Variants in LAMA5 observed in about 807,000 individuals in gnomAD.
LAMA5 encodes laminin subunit alpha 5, also known as laminin subunit alpha-5.
LAMA5 carries 260 observed loss-of-function variants against 433.4 expected under a neutral mutation model. The ratio of observed to expected loss-of-function variants is 0.60; its 90% CI spans 0.54 to 0.66. The LOEUF is 0.66. LAMA5 is among the 30% of genes least tolerant of loss of function. LAMA5 has a pLI of 0.00. For missense variants in LAMA5, 5,378 were observed against 5,258.5 expected (o/e 1.02, Z -0.70); for synonymous variants, 2,620 against 2,226.6 (o/e 1.18, Z -4.97).
chr20:62,315,224 G>T lies in LAMA5; in HGVS notation c.7868-17C>A, dbSNP rs370999151. The T allele has an allele frequency of 6.3e-7, 1 of 1,586,358 alleles. No individual in the cohort carries two copies. The highest frequency in any genetic ancestry group is 8.6e-7 in the Non-Finnish European group (1 of 1,165,380). ...TTGTCTCGTCTGTGGTGGGCAGAGG[G>T]CAGGCTCAGCAGGGGCCAGCGGGGA... On this transcript the variant is annotated splice_polypyrimidine_tract_variant and intron_variant, in intron 58 of 79. Transcript: ENST00000252999.
At chr20:62,326,432 G>C in intron 40 of LAMA5, 2 of 480,434 alleles carry the variant, frequency 4.2e-6, no homozygotes, top group Non-Finnish European at 7.5e-6. Context: ...CTGAGCAGCT[G>C]CTCACCCCTC....
At position 62,346,734 on chromosome 20, in the gene LAMA5, C is replaced by A; in HGVS notation, c.1139G>T (p.Ser380Ile). 1 of 1,613,216 alleles carries A rather than the reference C, an allele frequency of 6.2e-7. No homozygotes were observed. The highest frequency in any genetic ancestry group is 8.5e-7 in the Non-Finnish European group (1 of 1,179,910). Residue 380 changes from serine (S) to isoleucine (I), a missense_variant, in exon 8 of 80, where the codon AGC (serine) becomes ATC (isoleucine). By Grantham distance (142) the Ser-to-Ile change is moderately radical. Coordinates refer to ENST00000252999, the MANE Select transcript of LAMA5 (RefSeq NM_005560.6). ...YDPEVDRRRA[S>I]QSLDGTYQGG... Reference sequence around the variant, plus strand: ...CTGATAGGTGCCATCCAGGCTCTGGCTGGCGCGGCGCCGGTCCACCTCAGG... The same window carrying A: ...CTGATAGGTGCCATCCAGGCTCTGGATGGCGCGGCGCCGGTCCACCTCAGG...
intron 69 of LAMA5, 29 bp downstream of exon 69, chr20:62,312,144 G>A (rs1362116655): frequency 1.9e-6 from 3 of 1,609,976 alleles, no homozygotes; most frequent in South Asian, 2.2e-5. Flanking sequence ...ACCGCGGGGT[G>A]GGGAATGGGC....
rs1465106540 is a variant in LAMA5, at chr20:62,313,181, G to A, written c.8862C>T (p.Ile2954=). 5 of 1,581,844 alleles carry A rather than the reference G, an allele frequency of 3.2e-6. No homozygotes were observed. Among genetic ancestry groups the A allele is most frequent in the Non-Finnish European group, 4.3e-6 (5 of 1,168,304 alleles). ...TGGTGCTGATCTGACTGTCGAAGCT[G>A]ATGCGGGCGAAGCCGGTGCCGTCCA... ...SYLDGTGFAR[I]SFDSQISTTK... is the part of the protein sequence containing the mutation. Residue 2954 remains isoleucine (I), a synonymous_variant, in exon 65 of 80, where the codon ATC becomes ATT. Coordinates refer to ENST00000252999, the MANE Select transcript of LAMA5 (RefSeq NM_005560.6).
intron 28 of LAMA5, among the ~76,000 whole-genome samples, chr20:62,331,516 C>A (rs879280623): frequency 6.6e-6 from 1 of 152,130 alleles, no homozygotes; most frequent in Non-Finnish European, 1.5e-5. Context: ...CTTCCTCCCC[C>A]TCGCCCTCCC....
At chr20:62,317,577 C>T (rs1987091193) in intron 54 of LAMA5, 78 bp from the exon 55 acceptor site, 1 of 1,523,288 alleles carries the variant, frequency 6.6e-7, no homozygotes, top group Non-Finnish European at 8.8e-7. Context: ...GCTCTGCACG[C>T]AAGTGTGCAC....
Position 62,313,734 on chromosome 20 carries a change from G to A in LAMA5, c.8573C>T (p.Thr2858Met), listed in dbSNP as rs749517983. ...CAGCCCCTCTGCCCCAGGGGCCACC[G>A]TGTCACCCTTGGTTTCCTGGATCAT... Reference protein sequence around the residue: ...RQMIQETKGDTVAPGAEGLLN... With the variant: ...RQMIQETKGDMVAPGAEGLLN... The change falls in exon 63 of 80, where the codon ACG (threonine) becomes ATG (methionine). Residue 2858 changes from threonine (T) to methionine (M), a missense_variant. By Grantham distance (81) the Thr-to-Met change is moderately conservative. Coordinates refer to ENST00000252999, the MANE Select transcript of LAMA5 (RefSeq NM_005560.6). 13 of 1,612,818 alleles carry A rather than the reference G, an allele frequency of 8.1e-6. No homozygotes were observed. In the African/African-American group the frequency reaches 9.3e-5, roughly 12 times the overall value.
Position 62,318,648 on chromosome 20 carries a change from GC to G in LAMA5, c.7044del (p.Leu2348PhefsTer9), listed in dbSNP as rs1987318029. Reference sequence around the variant, plus strand: ...CTCAGCTGCTCCTGCACCCGGGCCAGCACTAGCCGAGACCAGGGTGAGGGTG... The same window carrying G: ...CTCAGCTGCTCCTGCACCCGGGCCAGACTAGCCGAGACCAGGGTGAGGGTG... ...AEAELAAAQR[L>X]LARVQEQLSS... On this transcript the variant is annotated frameshift_variant and splice_region_variant, in exon 53 of 80. Coordinates refer to ENST00000252999, the MANE Select transcript of LAMA5 (RefSeq NM_005560.6). LOFTEE classifies it high-confidence loss of function. The G allele has an allele frequency of 6.2e-7, 1 of 1,609,226 alleles. No individual in the cohort carries two copies. Among genetic ancestry groups the G allele is most frequent in the Non-Finnish European group, 8.5e-7 (1 of 1,178,672 alleles).
chr20:62,310,342 G>C (rs768753176), intron 76 of LAMA5, 31 bp from the exon 77 acceptor site: 9 of 1,574,786 alleles, frequency 5.7e-6, no homozygotes, highest in African/African-American at 5.4e-5. Flanking sequence ...GGAGAAGAAA[G>C]GGGGGGCCCC....
At position 62,328,369 on chromosome 20, in the gene LAMA5, G is replaced by A. The variant is rs1451700933; in HGVS notation, c.4524C>T (p.Asp1508=). The A allele has an allele frequency of 1.3e-6, 2 of 1,582,120 alleles. No homozygotes were observed. Among genetic ancestry groups the A allele is most frequent in the Non-Finnish European group, 1.7e-6 (2 of 1,164,008 alleles). Residue 1508 remains aspartate (D), a synonymous_variant, in exon 35 of 80, where the codon GAC becomes GAT. Transcript: ENST00000252999. ...AGGTCTGGGGCTGGCACAGCAGGCA[G>A]TCGGGCGGGATGGTGCGTGGCGGGC... ...CICPPRTIPP[D]CLLCQPQTFG...
At chr20:62,320,708 G>T (rs555778098) in intron 49 of LAMA5, 31 bp downstream of exon 49, 1 of 1,612,340 alleles carries the variant, frequency 6.2e-7, no homozygotes, top group Admixed American at 1.7e-5. Context: ...ACTGGCCCGG[G>T]TTGGGGAGGG....
In LAMA5 at chr20:62,367,084, C is replaced by T. The variant is rs1568997880; in HGVS notation, c.162G>A (p.Glu54=). The T allele has an allele frequency of 7.9e-7, 1 of 1,266,944 alleles. No homozygotes were observed. The highest frequency in any genetic ancestry group is 3.1e-5 in the East Asian group (1 of 31,982). 78.5% of individuals were successfully genotyped at this position (1,266,944 alleles called of 1,614,324 possible). ...SLHPPYFNLA[E]GARIAASATC... Reference sequence around the variant, plus strand: ...TCGCGGAGGCGGCGATGCGGGCGCCCTCGGCCAGGTTGAAGTAGGGCGGGT... The same window carrying T: ...TCGCGGAGGCGGCGATGCGGGCGCCTTCGGCCAGGTTGAAGTAGGGCGGGT... The change falls in exon 1 of 80, where the codon GAG becomes GAA. Residue 54 remains glutamate (E), a synonymous_variant. Transcript: ENST00000252999.
rs201927368 is a variant in LAMA5, at chr20:62,312,618, C to T, written c.9227+14G>A. 1.6e-3 allele frequency: 2,617 copies of T among 1,603,178 alleles called. 1 individual carries two copies. The highest frequency in any genetic ancestry group is 1.6e-3 in the Non-Finnish European group (1,918 of 1,176,638). ...CAGCCTGGCCTCGGAGCCCCAGCTG[C>T]GCACAGTGCTTACCTCGGGGGCAGC... On this transcript the variant is annotated intron_variant, in intron 67 of 79. Transcript: ENST00000252999.
chr20:62,359,456 C>T lies in LAMA5; in HGVS notation c.450+2944G>A, dbSNP rs992071073. On this transcript the variant is annotated intron_variant, in intron 2 of 79. Transcript: ENST00000252999. This position sits in a 1 kb window ranked among gnomAD's most constrained non-coding sequence, Gnocchi z 4.3. ...GGCCATGTGCCTGGGCAGTCATGAA[C>T]GCGCTCACCCTTCCCTGGGCCTGGG... 9.2e-5 allele frequency among the ~76,000 whole-genome samples: 13 copies of T among 141,658 alleles called. No individual in the cohort carries two copies. The South Asian group carries it at 2.1e-3, about 23-fold the overall frequency. The allele number at this position is 141,658 out of a possible 152,430, so 92.9% of individuals were successfully genotyped here. A position where few individuals can be genotyped will look rare whatever the true frequency, so the allele number is the denominator to read the frequency against.
chr20:62,365,267 C>T (rs1042215414), intron 1 of LAMA5, among the ~76,000 whole-genome samples: 1 of 152,200 alleles, frequency 6.6e-6, no homozygotes, highest in Non-Finnish European at 1.5e-5. Flanking sequence ...AAACTGTGGC[C>T]ACTTCCCAGG....
chr20:62,333,245 TG>T lies in LAMA5; in HGVS notation c.3129-3del. The stretch of plus-strand genomic sequence containing the variant: ...GGGAGGTGTGTGTAGAGGAGGCAGC[TG>T]GGGGGACACAGGCCGTGGTCAGCCC... On this transcript the variant is annotated splice_region_variant and splice_polypyrimidine_tract_variant and intron_variant, in intron 25 of 79. Coordinates refer to ENST00000252999, the MANE Select transcript of LAMA5 (RefSeq NM_005560.6). The T allele has an allele frequency of 3.2e-6, 5 of 1,550,292 alleles. No individual in the cohort carries two copies. The highest frequency in any genetic ancestry group is 1.2e-5 in the South Asian group (1 of 81,384).
In LAMA5 at chr20:62,338,477, C is replaced by T. The variant is rs780981307; in HGVS notation, c.1609G>A (p.Gly537Ser). ...GGGAGAGGGGACTCACGCTGGCAGC[C>T]GGGGCCGTAGAACCCTGGCGCGCAG... is the stretch of plus-strand genomic sequence containing the variant. ...ELCAPGFYGPGCQPCQCSSPG... is the reference protein window; with the variant it reads ...ELCAPGFYGPSCQPCQCSSPG... The change falls in exon 12 of 80, where the codon GGC (glycine) becomes AGC (serine). Residue 537 changes from glycine to serine, a missense_variant. By Grantham distance (56) the Gly-to-Ser change is moderately conservative. Coordinates refer to ENST00000252999, the MANE Select transcript of LAMA5 (RefSeq NM_005560.6). 1.6e-5 allele frequency: 26 copies of T among 1,608,404 alleles called. No homozygotes were observed. The highest frequency in any genetic ancestry group is 8.9e-5 in the East Asian group (4 of 44,696).
Position 62,331,967 on chromosome 20 carries a change from G to A in LAMA5, c.3552+405C>T, listed in dbSNP as rs915392025. ...CTTGGGAGACTGAGGCACGAGAATCGCTTGAACCCAGGAGGTGGAGGTTGC... is the reference window on the plus strand; with the variant it reads ...CTTGGGAGACTGAGGCACGAGAATCACTTGAACCCAGGAGGTGGAGGTTGC... On this transcript the variant is annotated intron_variant, in intron 28 of 79. Transcript: ENST00000252999. Among the ~76,000 whole-genome samples, 6 of 152,006 alleles carry A rather than the reference G, an allele frequency of 3.9e-5. No homozygotes were observed. In the East Asian group the frequency reaches 5.8e-4, roughly 15 times the overall value.
chr20:62,352,932 G>A (rs912152002), intron 3 of LAMA5: 2 of 523,770 alleles, frequency 3.8e-6, no homozygotes, highest in Non-Finnish European at 6.8e-6. Context: ...CACAGCCCCT[G>A]GACTTGGCTG....
Sources: gnomAD v4.1 joint callset for allele counts (sites outside exome capture counted in the v4.1 genomes callset) on GRCh38, gnomAD v4.1.1 for gene constraint, Gnocchi (gnomAD v3.1) non-coding constraint, MANE v1.5 for transcripts, NCBI Gene and HGNC (gene_info 2026-07-23, HGNC 2026-07-21) for gene names.